The following GRIK4 variants were observed in gnomAD, a reference collection of about 807,000 sequenced individuals.
GRIK4 encodes the protein glutamate ionotropic receptor kainate type subunit 4, also known as glutamate receptor ionotropic, kainate 4.
GRIK4 carries 40 observed loss-of-function variants against 104.9 expected under a neutral mutation model. That is an observed-to-expected ratio of 0.38 (90% CI 0.30 to 0.50). GRIK4 has a LOEUF of 0.50. GRIK4 is among the 20% of genes least tolerant of loss of function. The pLI is 0.93. For synonymous variants in GRIK4, 485 were observed against 524.9 expected, an observed-to-expected ratio of 0.92 and a Z score of 1.04; for missense variants, 1,047 against 1,308.1, an observed-to-expected ratio of 0.80 and a Z score of 3.08.
intron 3 of GRIK4, among the ~76,000 whole-genome samples, chr11:120,768,598 TG>T (rs747674382): frequency 2.6e-5 from 4 of 152,228 alleles, no homozygotes; most frequent in Non-Finnish European, 5.9e-5. Flanking sequence ...AGAAGTTACA[TG>T]GGCATTCCTG....
chr11:120,925,614 G>A (rs1384013873), intron 13 of GRIK4, among the ~76,000 whole-genome samples: 1 of 152,146 alleles, frequency 6.6e-6, no homozygotes, highest in East Asian at 1.9e-4. Context: ...CTTGTCCCAT[G>A]GCCTATTGGT....
intron 1 of GRIK4, among the ~76,000 whole-genome samples, chr11:120,564,129 C>T (rs1948276230): frequency 6.6e-6 from 1 of 151,922 alleles, no homozygotes; most frequent in Admixed American, 6.6e-5. Context: ...GCGCAGGCGG[C>T]GGCTAGCGCT....
intron 3 of GRIK4, among the ~76,000 whole-genome samples, chr11:120,707,717 C>A (rs1374607101): frequency 6.6e-6 from 1 of 152,134 alleles, no homozygotes; most frequent in Non-Finnish European, 1.5e-5. Flanking sequence ...GGCAGCTAGA[C>A]AGGGAGCTGG....
At chr11:120,751,962 C>T (rs1472497322) in intron 3 of GRIK4, among the ~76,000 whole-genome samples, 1 of 152,048 alleles carries the variant, frequency 6.6e-6, no homozygotes, top group Non-Finnish European at 1.5e-5. Flanking sequence ...GGGGAGACAC[C>T]CTCTGAGGAC....
At chr11:120,634,005 C>T (rs1249925345) in intron 1 of GRIK4, among the ~76,000 whole-genome samples, 6 of 152,290 alleles carry the variant, frequency 3.9e-5, no homozygotes, top group Non-Finnish European at 5.9e-5. Context: ...GGTGGCCAAA[C>T]GTAGGTTCAA....
chr11:120,972,621 A>G (rs552799190), intron 19 of GRIK4, among the ~76,000 whole-genome samples: 1 of 152,332 alleles, frequency 6.6e-6, no homozygotes, highest in African/African-American at 2.4e-5. Flanking sequence ...AGAAAAGGAC[A>G]TGTTAAAATG....
At chr11:120,876,470 C>T (rs1954823664) in intron 11 of GRIK4, among the ~76,000 whole-genome samples, 1 of 104,326 alleles carries the variant, frequency 9.6e-6, no homozygotes, top group Non-Finnish European at 2.0e-5. Flanking sequence ...TCATTATCAT[C>T]ACCACCACCA....
rs1259195973 is a variant in GRIK4 at position 120,819,585 on chromosome 11, C to T, written c.346-170C>T. Among the ~76,000 whole-genome samples the T allele has an allele frequency of 7.2e-5, 11 of 152,188 alleles. No individual in the cohort carries two copies. The highest frequency in any genetic ancestry group is 7.2e-4 in the Admixed American group (11 of 15,288). ...AAGCATCATCAGGGATGTCATCGCT[C>T]GTCTTCCTCCCACGGAGTGGGTGCC... On this transcript the variant is annotated intron_variant, in intron 5 of 20. Transcript: ENST00000527524. The surrounding 1 kb of genome is among the most constrained non-coding windows in gnomAD (Gnocchi z 4.3).
At chr11:120,650,445 C>T (rs974300590) in intron 1 of GRIK4, among the ~76,000 whole-genome samples, 4 of 152,202 alleles carry the variant, frequency 2.6e-5, no homozygotes, top group Non-Finnish European at 4.4e-5. Flanking sequence ...TAGGCCTCTG[C>T]CCTCCTCATG....
At chr11:120,924,757 T>C (rs1314986402) in intron 13 of GRIK4, among the ~76,000 whole-genome samples, 1 of 152,166 alleles carries the variant, frequency 6.6e-6, no homozygotes, top group Non-Finnish European at 1.5e-5. Flanking sequence ...AGTTTTGGGG[T>C]ATGACTATTG....
intron 1 of GRIK4, among the ~76,000 whole-genome samples, chr11:120,624,843 A>AGC (rs1949236621): frequency 6.6e-6 from 1 of 152,212 alleles, no homozygotes; most frequent in Admixed American, 6.5e-5. Flanking sequence ...CTACACAGAA[A>AGC]TAAAGACACC....
chr11:120,940,465 GA>G lies in GRIK4; in HGVS notation c.1590+6del. On this transcript the variant is annotated splice_donor_region_variant and intron_variant, in intron 14 of 20. Coordinates refer to ENST00000527524, the MANE Select transcript of GRIK4 (RefSeq NM_014619.5). This position sits in a 1 kb window ranked among gnomAD's most constrained non-coding sequence, Gnocchi z 4.3. Reference sequence around the variant, plus strand: ...ATTCTTTACCGCGTTCATATGGTAAGAGACTTATTTTATAAGCATTTATGTC... The same window carrying G: ...ATTCTTTACCGCGTTCATATGGTAAGGACTTATTTTATAAGCATTTATGTC... 1 of 1,501,402 alleles carries G rather than the reference GA, an allele frequency of 6.7e-7. No homozygotes were observed. Among genetic ancestry groups the G allele is most frequent in the Admixed American group, 1.7e-5 (1 of 59,190 alleles). 93.0% of individuals were successfully genotyped at this position (1,501,402 alleles called of 1,614,324 possible). A position where few individuals can be genotyped will look rare whatever the true frequency, so the allele number is the denominator to read the frequency against.
intron 1 of GRIK4, among the ~76,000 whole-genome samples, chr11:120,608,863 C>T (rs1948996086): frequency 6.6e-6 from 1 of 152,156 alleles, no homozygotes; most frequent in African/African-American, 2.4e-5. Flanking sequence ...GGCTGGCGGC[C>T]TGTGGATACA....
chr11:120,864,071 G>T (rs886814110), intron 9 of GRIK4, among the ~76,000 whole-genome samples: 44 of 152,148 alleles, frequency 2.9e-4, no homozygotes, highest in Non-Finnish European at 1.5e-4. Context: ...CCATTAAATG[G>T]TTTAAGGGAC....
intron 4 of GRIK4, among the ~76,000 whole-genome samples, chr11:120,806,460 T>G (rs1952714555): frequency 6.6e-6 from 1 of 152,220 alleles, no homozygotes; most frequent in South Asian, 2.1e-4. Flanking sequence ...AGGGCTAATT[T>G]GCATCATTAA....
chr11:120,768,246 T>G (rs1191486187), intron 3 of GRIK4, among the ~76,000 whole-genome samples: 5 of 152,166 alleles, frequency 3.3e-5, no homozygotes, highest in African/African-American at 9.6e-5. Flanking sequence ...CTTATAGCTT[T>G]TGGTGTAAAA....
At chr11:120,934,928 G>A (rs772451133) in intron 13 of GRIK4, among the ~76,000 whole-genome samples, 106 of 152,186 alleles carry the variant, frequency 7.0e-4, no homozygotes, top group Middle Eastern at 3.4e-3. Context: ...CCTGGGTTAC[G>A]ATTTTAGACC....
chr11:120,566,457 C>T (rs777278066), intron 1 of GRIK4, among the ~76,000 whole-genome samples: 24 of 152,140 alleles, frequency 1.6e-4, no homozygotes, highest in African/African-American at 3.4e-4. Context: ...AGCTAATCTA[C>T]GGACGAAGTT....
chr11:120,582,019 G>A (rs2135096317), intron 1 of GRIK4, among the ~76,000 whole-genome samples: 1 of 151,566 alleles, frequency 6.6e-6, no homozygotes, highest in South Asian at 2.1e-4. Context: ...GTGTTAGCCA[G>A]GATGGTCTCG....
Sources: gnomAD v4.1 joint callset for allele counts (sites outside exome capture counted in the v4.1 genomes callset) on GRCh38, gnomAD v4.1.1 for gene constraint, Gnocchi (gnomAD v3.1) non-coding constraint, MANE v1.5 for transcripts, NCBI Gene and HGNC (gene_info 2026-07-23, HGNC 2026-07-21) for gene names.